Variants in CECR2 observed in about 807,000 individuals in gnomAD.
CECR2 encodes the protein chromatin remodeling regulator CECR2.
A neutral mutation model predicts 154.5 loss-of-function variants in CECR2; 30 were observed. The observed-to-expected ratio is 0.19, with a 90% CI of 0.15 to 0.26. CECR2 has a LOEUF of 0.26. Among genes scored for constraint, CECR2 ranks in the 10% least tolerant of loss-of-function variants. CECR2 has a pLI of 1.00. For synonymous variants in CECR2, 725 were observed against 683.7 expected, an observed-to-expected ratio of 1.06 and a Z score of -0.94; for missense variants, 1,743 against 1,829.3, an observed-to-expected ratio of 0.95 and a Z score of 0.86.
chr22:17,454,321 G>A (rs1456733359), intron 1 of CECR2, among the ~76,000 whole-genome samples: 2 of 151,616 alleles, frequency 1.3e-5, no homozygotes, highest in Non-Finnish European at 2.9e-5. Context: ...CTGGCCAGGC[G>A]TGGTGGCTCA....
At chr22:17,476,128 T>C (rs1407488510) in intron 1 of CECR2, among the ~76,000 whole-genome samples, 1 of 150,144 alleles carries the variant, frequency 6.7e-6, no homozygotes, top group Non-Finnish European at 1.5e-5. Flanking sequence ...CTGCACCTGG[T>C]CATGCCCTGC....
intron 1 of CECR2, among the ~76,000 whole-genome samples, chr22:17,458,734 T>C (rs1232579145): frequency 6.6e-6 from 1 of 152,292 alleles, no homozygotes; most frequent in East Asian, 1.9e-4. Flanking sequence ...AGGGTTATTA[T>C]TACCAAATAT....
chr22:17,391,676 A>G (rs2063327482), intron 1 of CECR2, among the ~76,000 whole-genome samples: 1 of 152,254 alleles, frequency 6.6e-6, no homozygotes, highest in Non-Finnish European at 1.5e-5. Flanking sequence ...ATCATTTGGG[A>G]GAAAGGAATT....
intron 1 of CECR2, among the ~76,000 whole-genome samples, chr22:17,406,924 C>A (rs1316933923): frequency 6.6e-6 from 1 of 152,126 alleles, no homozygotes; most frequent in Non-Finnish European, 1.5e-5. Flanking sequence ...AATGGAGGAA[C>A]CTAAAATCCT....
At chr22:17,516,914 T>C (rs1032451691) in intron 8 of CECR2, among the ~76,000 whole-genome samples, 2 of 151,262 alleles carry the variant, frequency 1.3e-5, no homozygotes, top group African/African-American at 4.9e-5. Context: ...TTTATTGTTT[T>C]TTCGGGGTTT....
At position 17,390,984 on chromosome 22, in the gene CECR2, A is replaced by G. The variant is rs561864147; in HGVS notation, c.126+21075A>G. Among the ~76,000 whole-genome samples, 8 of 152,138 alleles carry G rather than the reference A, an allele frequency of 5.3e-5. No homozygotes were observed. The South Asian group carries it at 1.5e-3, about 28-fold the overall frequency. On this transcript the variant is annotated intron_variant, in intron 1 of 18. Coordinates refer to ENST00000262608, the MANE Select transcript of CECR2 (RefSeq NM_001290047.2). ...TTCGGTGAAGTTCAAAGATAAGTGAACCCCTGCGTACCCTTTACTCTAGAT... is the reference window on the plus strand; with the variant it reads ...TTCGGTGAAGTTCAAAGATAAGTGAGCCCCTGCGTACCCTTTACTCTAGAT...
At chr22:17,417,118 A>C (rs2054168231) in intron 1 of CECR2, among the ~76,000 whole-genome samples, 1 of 152,022 alleles carries the variant, frequency 6.6e-6, no homozygotes, top group Non-Finnish European at 1.5e-5. Context: ...TTAATTCTTG[A>C]AGAAACTTAT....
chr22:17,492,070 T>C (rs767806834), intron 2 of CECR2, among the ~76,000 whole-genome samples: 4 of 152,212 alleles, frequency 2.6e-5, no homozygotes, highest in Admixed American at 6.5e-5. Flanking sequence ...ACAGAATCTT[T>C]TACTTGTTGC....
intron 1 of CECR2, among the ~76,000 whole-genome samples, chr22:17,374,774 C>G (rs183918583): frequency 6.6e-6 from 1 of 152,188 alleles, no homozygotes; most frequent in African/African-American, 2.4e-5. Flanking sequence ...ATCCCATTTT[C>G]TCCTTAGCCG....
At chr22:17,534,047 C>T (rs750532388) in intron 9 of CECR2, among the ~76,000 whole-genome samples, 5 of 152,132 alleles carry the variant, frequency 3.3e-5, no homozygotes, top group East Asian at 3.9e-4. Context: ...AAAAACAATA[C>T]GATAGGGTCA....
chr22:17,439,777 A>G (rs539662507), intron 1 of CECR2, among the ~76,000 whole-genome samples: 37 of 152,328 alleles, frequency 2.4e-4, no homozygotes, highest in African/African-American at 6.3e-4. Context: ...CTGCCGTGCA[A>G]TGGACAAGGA....
chr22:17,380,492 C>G (rs939030812), intron 1 of CECR2, among the ~76,000 whole-genome samples: 1 of 152,202 alleles, frequency 6.6e-6, no homozygotes, highest in Admixed American at 6.6e-5. Flanking sequence ...AGCCCAGACT[C>G]TTTATGAGCT....
In CECR2 at chr22:17,555,709, A is replaced by G. The variant is rs1221647021; in HGVS notation, c.*2869A>G. On this transcript the variant is annotated 3_prime_UTR_variant, in exon 19 of 19. Coordinates refer to ENST00000262608, the MANE Select transcript of CECR2 (RefSeq NM_001290047.2). ...GTTATGTGATATGTTATATTTAGGA[A>G]GTAGTGTGTAAGGTATCCTGAAAAG... 6.6e-6 allele frequency: 1 copy of G among 152,182 alleles called. No homozygotes were observed. Among genetic ancestry groups the G allele is most frequent in the Non-Finnish European group, 1.5e-5 (1 of 68,040 alleles). 9.4% of individuals were successfully genotyped at this position (152,182 alleles called of 1,614,324 possible).
At chr22:17,516,975 A>G (rs1269061549) in intron 8 of CECR2, among the ~76,000 whole-genome samples, 1 of 144,652 alleles carries the variant, frequency 6.9e-6, no homozygotes, top group Non-Finnish European at 1.5e-5. Context: ...CAGTGGCGTG[A>G]TCTCAGCTCA....
At chr22:17,538,154 G>C (rs2056465553) in intron 10 of CECR2, among the ~76,000 whole-genome samples, 2 of 152,212 alleles carry the variant, frequency 1.3e-5, no homozygotes, top group Non-Finnish European at 2.9e-5. Context: ...GGAAATGGAG[G>C]CTGCAGTGAG....
Position 17,511,902 on chromosome 22 carries a change from T to G in CECR2, c.954+6T>G. 6.2e-7 allele frequency: 1 copy of G among 1,606,098 alleles called. No homozygotes were observed. The highest frequency in any genetic ancestry group is 8.5e-7 in the Non-Finnish European group (1 of 1,175,018). On this transcript the variant is annotated splice_donor_region_variant and intron_variant, in intron 8 of 18. Coordinates refer to ENST00000262608, the MANE Select transcript of CECR2 (RefSeq NM_001290047.2). ...TCAAACCCGTCAAGCAAGAGGTGAG[T>G]GTGGGTGAGAGTAGCGAGGAGGAGC...
At chr22:17,524,071 C>T (rs1357392240) in intron 8 of CECR2, 47 bp from the exon 9 acceptor site, 1 of 1,418,044 alleles carries the variant, frequency 7.1e-7, no homozygotes, top group East Asian at 2.5e-5. Flanking sequence ...AAGAGCTTAT[C>T]TTGCATGATT....
intron 9 of CECR2, among the ~76,000 whole-genome samples, chr22:17,531,466 G>C (rs1045466187): frequency 6.6e-6 from 1 of 152,214 alleles, no homozygotes; most frequent in Non-Finnish European, 1.5e-5. Context: ...AACCAGCAGA[G>C]AAGGGAGTTG....
chr22:17,510,435 A>G (rs1199166092), intron 7 of CECR2, among the ~76,000 whole-genome samples: 2 of 151,520 alleles, frequency 1.3e-5, no homozygotes, highest in African/African-American at 4.9e-5. Flanking sequence ...GCACCACTGC[A>G]CTCCATCCTC....
Sources: allele counts gnomAD v4.1 joint callset (sites outside exome capture counted in the v4.1 genomes callset), GRCh38; gene constraint gnomAD v4.1.1; transcripts MANE v1.5; gene names NCBI Gene and HGNC (gene_info 2026-07-23, HGNC 2026-07-21).